The following ILKAP variants were observed in gnomAD, a reference collection of about 807,000 sequenced individuals.
The protein encoded by ILKAP is ILK associated serine/threonine phosphatase.
ILKAP carries 11 observed loss-of-function variants against 49.1 expected under a neutral mutation model. That is an observed-to-expected ratio of 0.22 (90% CI 0.14 to 0.37). The LOEUF is 0.37. Among genes scored for constraint, ILKAP ranks in the 10% least tolerant of loss-of-function variants. The probability of loss-of-function intolerance (pLI) is 1.00; values close to 1 mark genes in which losing one functional copy is unlikely to be tolerated. For missense variants in ILKAP, 363 were observed against 510.8 expected (o/e 0.71, Z 2.79); for synonymous variants, 186 against 192.8 (o/e 0.96, Z 0.29).
chr2:238,174,087 G>A (rs1693343340), intron 9 of ILKAP, among the ~76,000 whole-genome samples: 1 of 152,184 alleles, frequency 6.6e-6, no homozygotes, highest in Non-Finnish European at 1.5e-5. Context: ...GGGATATTTT[G>A]CATTTCAATC....
At chr2:238,186,720 A>C (rs878887513) in intron 5 of ILKAP, 3 of 151,974 alleles carry the variant, frequency 2.0e-5, no homozygotes, top group Admixed American at 2.0e-4. Context: ...AAAAAAAAAA[A>C]CAAAAATGCC....
Position 238,198,158 on chromosome 2 carries a change from A to T in ILKAP, c.56-3288T>A, listed in dbSNP as rs189330377. On this transcript the variant is annotated intron_variant, in intron 1 of 11. Transcript: ENST00000254654. Reference sequence around the variant, plus strand: ...CATCATCAAAAGAATCTAACTTAGAAGTCTGTATGTGGATTCTTTAAAAAA... The same window carrying T: ...CATCATCAAAAGAATCTAACTTAGATGTCTGTATGTGGATTCTTTAAAAAA... 6.1e-4 allele frequency among the ~76,000 whole-genome samples: 93 copies of T among 152,296 alleles called. No individual in the cohort carries two copies. The East Asian group carries it at 0.018, about 29-fold the overall frequency.
chr2:238,191,471 C>T (rs944270747), intron 3 of ILKAP, among the ~76,000 whole-genome samples: 4 of 152,242 alleles, frequency 2.6e-5, no homozygotes, highest in African/African-American at 9.6e-5. Flanking sequence ...AACAGTATAA[C>T]ATAATACACA....
At chr2:238,187,583 C>A (rs1445847160) in intron 5 of ILKAP, among the ~76,000 whole-genome samples, 2 of 152,124 alleles carry the variant, frequency 1.3e-5, no homozygotes. Flanking sequence ...CATTGTCTGT[C>A]TTTTCCTTGA....
chr2:238,176,016 G>T (rs1030923976), intron 9 of ILKAP, among the ~76,000 whole-genome samples: 7 of 152,096 alleles, frequency 4.6e-5, no homozygotes, highest in Non-Finnish European at 1.0e-4. Context: ...CTGTTTCACA[G>T]CAGGTTCTCC....
At chr2:238,200,456 A>G (rs1694522366) in intron 1 of ILKAP, among the ~76,000 whole-genome samples, 1 of 152,230 alleles carries the variant, frequency 6.6e-6, no homozygotes, top group Non-Finnish European at 1.5e-5. Context: ...GCAGTGTAGT[A>G]TTCTCCCTTT....
intron 4 of ILKAP, 79 bp from the exon 5 acceptor site, chr2:238,188,336 G>C: frequency 6.6e-7 from 1 of 1,526,628 alleles, no homozygotes; most frequent in Admixed American, 2.0e-5. Flanking sequence ...GCAAATGAGA[G>C]GGAACTATGA....
intron 10 of ILKAP, among the ~76,000 whole-genome samples, chr2:238,171,352 G>A (rs902536400): frequency 3.3e-5 from 5 of 151,840 alleles, no homozygotes; most frequent in African/African-American, 1.2e-4. Context: ...GTAGAGACAG[G>A]GTTTCACCAC....
rs759674402 is a variant in ILKAP at position 238,188,274 on chromosome 2, A to C, written c.299-17T>G. 6 of 1,611,742 alleles carry C rather than the reference A, an allele frequency of 3.7e-6. No individual in the cohort carries two copies. The South Asian group carries it at 6.6e-5, about 18-fold the overall frequency. On this transcript the variant is annotated splice_polypyrimidine_tract_variant and intron_variant, in intron 4 of 11. Transcript: ENST00000254654. ...CCGAAGAGGCTAAGGAAAAGAGAAC[A>C]AAAGAGCCAATACAAAACTGTGCCC...
At chr2:238,191,115 C>T (rs528013245) in intron 3 of ILKAP, among the ~76,000 whole-genome samples, 6 of 151,650 alleles carry the variant, frequency 4.0e-5, no homozygotes, top group African/African-American at 1.5e-4. Context: ...CCACTACACC[C>T]GGCTAATTTT....
At chr2:238,188,303 CCT>C (rs1387192209) in intron 4 of ILKAP, 46 bp from the exon 5 acceptor site, 2 of 1,594,586 alleles carry the variant, frequency 1.3e-6, no homozygotes, top group African/African-American at 2.7e-5. Context: ...TGTGCCCAAC[CCT>C]CTGGAAACCC....
At chr2:238,196,474 G>A (rs1382584935) in intron 1 of ILKAP, among the ~76,000 whole-genome samples, 4 of 152,092 alleles carry the variant, frequency 2.6e-5, no homozygotes, top group African/African-American at 4.8e-5. Flanking sequence ...TGGTCCACCC[G>A]CCTCAGCCTC....
At chr2:238,184,756 G>C (rs538879356) in intron 6 of ILKAP, among the ~76,000 whole-genome samples, 1 of 149,432 alleles carries the variant, frequency 6.7e-6, no homozygotes, top group South Asian at 2.1e-4. Flanking sequence ...TAGAGATAGA[G>C]TCTCCCTATG....
intron 9 of ILKAP, among the ~76,000 whole-genome samples, chr2:238,177,756 A>G (rs928071922): frequency 2.0e-5 from 3 of 152,064 alleles, no homozygotes; most frequent in African/African-American, 7.2e-5. Context: ...CCTTTTCCCC[A>G]TGGTGAATAA....
At chr2:238,197,449 A>AAAC (rs1450820737) in intron 1 of ILKAP, among the ~76,000 whole-genome samples, 2 of 152,204 alleles carry the variant, frequency 1.3e-5, no homozygotes, top group Non-Finnish European at 2.9e-5. Context: ...CATGAAGAGC[A>AAAC]AACAACCCTT....
Position 238,203,570 on chromosome 2 carries a change from A to G in ILKAP, c.-17T>C. Reference sequence around the variant, plus strand: ...GAGGTCCATGGCGGAGGCTGGGTGGAGGCGGCAGCAGCGACAGACACTCAG... The same window carrying G: ...GAGGTCCATGGCGGAGGCTGGGTGGGGGCGGCAGCAGCGACAGACACTCAG... On this transcript the variant is annotated 5_prime_UTR_variant, in exon 1 of 12. Coordinates refer to ENST00000254654, the MANE Select transcript of ILKAP (RefSeq NM_030768.3). 8.7e-7 allele frequency: 1 copy of G among 1,150,468 alleles called. No individual in the cohort carries two copies. The highest frequency in any genetic ancestry group is 1.6e-5 in the African/African-American group (1 of 60,850). 71.3% of individuals were successfully genotyped at this position (1,150,468 alleles called of 1,614,324 possible).
intron 5 of ILKAP, among the ~76,000 whole-genome samples, chr2:238,187,915 G>GT (rs1227713500): frequency 6.6e-6 from 1 of 152,200 alleles, no homozygotes; most frequent in East Asian, 1.9e-4. Flanking sequence ...CCAGATGCCA[G>GT]TAACAACTCC....
chr2:238,191,560 C>T (rs1233933697), intron 3 of ILKAP, among the ~76,000 whole-genome samples: 1 of 152,200 alleles, frequency 6.6e-6, no homozygotes, highest in Non-Finnish European at 1.5e-5. Flanking sequence ...CTGTGGCTTA[C>T]TGTATGGGTT....
Position 238,170,533 on chromosome 2 carries a change from C to G in ILKAP, c.*3G>C, listed in dbSNP as rs1400922458. On this transcript the variant is annotated 3_prime_UTR_variant, in exon 12 of 12. Transcript: ENST00000254654. ...ATGCGTGCTCCTGGCCGCGCGCCAC[C>G]CCTCAGTGCCCTATCCGCACCACCA... The G allele has an allele frequency of 1.3e-6, 2 of 1,585,714 alleles. No homozygotes were observed. Among genetic ancestry groups the G allele is most frequent in the Admixed American group, 1.8e-5 (1 of 56,478 alleles).
Sources: gnomAD v4.1 joint callset for allele counts (sites outside exome capture counted in the v4.1 genomes callset) on GRCh38, gnomAD v4.1.1 for gene constraint, MANE v1.5 for transcripts, NCBI Gene and HGNC (gene_info 2026-07-23, HGNC 2026-07-21) for gene names.